Variants in NALCN observed in about 807,000 individuals in gnomAD.
The protein encoded by NALCN is sodium leak channel, non-selective.
NALCN carries 111 observed loss-of-function variants against 225.3 expected under a neutral mutation model. The ratio of observed to expected loss-of-function variants is 0.49; its 90% CI spans 0.42 to 0.58. NALCN has a LOEUF of 0.58. Ranked by LOEUF, NALCN falls within the 20% of genes least tolerant of loss-of-function variation. The pLI, the probability that NALCN is intolerant of heterozygous loss-of-function variation, is 0.00. For missense variants in NALCN, 1,378 were observed against 2,202.4 expected, an observed-to-expected ratio of 0.63 and a Z score of 7.49; for synonymous variants, 764 against 769.0, an observed-to-expected ratio of 0.99 and a Z score of 0.11.
Position 101,229,577 on chromosome 13 carries a change from C to A in NALCN, c.1442G>T (p.Arg481Leu). 6.3e-7 allele frequency: 1 copy of A among 1,582,632 alleles called. No individual in the cohort carries two copies. The highest frequency in any genetic ancestry group is 8.6e-7 in the Non-Finnish European group (1 of 1,165,848). ...TGAAATCTTAATCAGCCGAACTACT[C>A]GGAGAACCTATCAAGGGAGAGAGAA... ...HSQFTYFQVLRVVRLIKISPA... is the reference protein window; with the variant it reads ...HSQFTYFQVLLVVRLIKISPA... Residue 481 changes from arginine (R) to leucine (L), a missense_variant, in exon 13 of 44, where the codon CGA becomes CTA. Around this residue, in one of 19 missense-constraint regions of NALCN, gnomAD observed 144 missense variants for 187.7 expected, o/e 0.77. Transcript: ENST00000251127.
intron 7 of NALCN, among the ~76,000 whole-genome samples, chr13:101,338,490 A>G (rs1047984986): frequency 4.6e-5 from 7 of 152,118 alleles, no homozygotes; most frequent in African/African-American, 1.4e-4. Flanking sequence ...AACATTTTTT[A>G]TTTTTTACCT....
intron 1 of NALCN, among the ~76,000 whole-genome samples, chr13:101,400,639 GA>G (rs1416755638): frequency 6.6e-6 from 1 of 151,798 alleles, no homozygotes; most frequent in Non-Finnish European, 1.5e-5. Flanking sequence ...ATAAAACACA[GA>G]AACTCAGAAC....
intron 15 of NALCN, among the ~76,000 whole-genome samples, chr13:101,152,781 C>T (rs1417967833): frequency 1.3e-5 from 2 of 151,946 alleles, no homozygotes; most frequent in Admixed American, 6.6e-5. Context: ...TTATATCTGT[C>T]CTTTGTTACT....
chr13:101,280,711 C>A (rs1594593975), intron 10 of NALCN, among the ~76,000 whole-genome samples: 1 of 152,194 alleles, frequency 6.6e-6, no homozygotes, highest in Middle Eastern at 3.4e-3. Context: ...AGCCATAAGA[C>A]CCAGCCATTA....
chr13:101,064,320 T>C (rs1424379660), intron 40 of NALCN, among the ~76,000 whole-genome samples: 1 of 152,144 alleles, frequency 6.6e-6, no homozygotes, highest in Non-Finnish European at 1.5e-5. Context: ...TGCAAGTCCA[T>C]GGGCCTCTGT....
At chr13:101,248,099 C>T (rs1440606049) in intron 11 of NALCN, among the ~76,000 whole-genome samples, 2 of 152,214 alleles carry the variant, frequency 1.3e-5, no homozygotes, top group South Asian at 2.1e-4. Context: ...CATGTCTTTG[C>T]TATTGTGAAC....
chr13:101,122,699 T>C (rs1285779124), intron 18 of NALCN, among the ~76,000 whole-genome samples: 1 of 152,234 alleles, frequency 6.6e-6, no homozygotes, highest in Non-Finnish European at 1.5e-5. Context: ...TTTTATGACA[T>C]TGGGCACTTA....
intron 6 of NALCN, among the ~76,000 whole-genome samples, chr13:101,374,350 A>G (rs1271175537): frequency 7.1e-6 from 1 of 141,160 alleles, no homozygotes; most frequent in Non-Finnish European, 1.5e-5. Context: ...ATCTCAGCTC[A>G]CTGCAACCTC....
At chr13:101,414,658 T>G (rs928892211) in intron 1 of NALCN, among the ~76,000 whole-genome samples, 1 of 152,216 alleles carries the variant, frequency 6.6e-6, no homozygotes. Flanking sequence ...GACACTATTT[T>G]GAGTAGACTT....
chr13:101,372,462 C>T (rs532710016), intron 6 of NALCN, among the ~76,000 whole-genome samples: 59 of 152,174 alleles, frequency 3.9e-4, no homozygotes, highest in Non-Finnish European at 7.1e-4. Context: ...TAAAATGATT[C>T]CTAATGAATT....
chr13:101,341,918 C>T (rs1032155528), intron 7 of NALCN, among the ~76,000 whole-genome samples: 1 of 152,162 alleles, frequency 6.6e-6, no homozygotes, highest in Admixed American at 6.5e-5. Context: ...AAGAGAGAAC[C>T]CTTACTGCTT....
chr13:101,104,520 T>C lies in NALCN; in HGVS notation c.2757+10A>G, dbSNP rs778841076. 3.7e-6 allele frequency: 6 copies of C among 1,613,930 alleles called. No individual in the cohort carries two copies. Among genetic ancestry groups the C allele is most frequent in the Non-Finnish European group, 5.1e-6 (6 of 1,179,872 alleles). On this transcript the variant is annotated intron_variant, in intron 24 of 43. Transcript: ENST00000251127. This position sits in a 1 kb window ranked among gnomAD's most constrained non-coding sequence, Gnocchi z 4.2. Reference sequence around the variant, plus strand: ...GTTGTAAGCTGAGATTTTGCAGCGGTAAGCGGTACCTGCAAAGTAGGTGCA... The same window carrying C: ...GTTGTAAGCTGAGATTTTGCAGCGGCAAGCGGTACCTGCAAAGTAGGTGCA...
chr13:101,368,848 A>G (rs960659898), intron 6 of NALCN: 8 of 176,874 alleles, frequency 4.5e-5, no homozygotes, highest in Non-Finnish European at 7.3e-5. Context: ...TCTGCTAAAA[A>G]TACAAAAATT....
At chr13:101,191,774 G>T in intron 14 of NALCN, 143 bp downstream of exon 14, 1 of 716,888 alleles carries the variant, frequency 1.4e-6, no homozygotes, top group Non-Finnish European at 2.2e-6. Context: ...AACTTAGAAT[G>T]GAAGGAGGGA....
At chr13:101,234,156 TAAGAC>T (rs1406855064) in intron 12 of NALCN, among the ~76,000 whole-genome samples, 1 of 152,210 alleles carries the variant, frequency 6.6e-6, no homozygotes, top group African/African-American at 2.4e-5. Context: ...ACTTCTTCCT[TAAGAC>T]ATTTCCAGTA....
At chr13:101,078,777 A>G (rs2033432026) in intron 34 of NALCN, among the ~76,000 whole-genome samples, 1 of 152,140 alleles carries the variant, frequency 6.6e-6, no homozygotes, top group African/African-American at 2.4e-5. Flanking sequence ...TGTATTTTGA[A>G]TTGTGAAGAC....
At chr13:101,397,268 A>G (rs990444108) in intron 2 of NALCN, among the ~76,000 whole-genome samples, 2 of 150,442 alleles carry the variant, frequency 1.3e-5, no homozygotes, top group Non-Finnish European at 3.0e-5. Context: ...CAAAGAGTCC[A>G]TGCAGATCCT....
In NALCN at chr13:101,399,058, A is replaced by G; in HGVS notation, c.69T>C (p.Ser23=). The G allele has an allele frequency of 6.2e-7, 1 of 1,613,206 alleles. No homozygotes were observed. Among genetic ancestry groups the G allele is most frequent in the Non-Finnish European group, 8.5e-7 (1 of 1,179,240 alleles). Residue 23 remains serine (S), a synonymous_variant, in exon 2 of 44, where the codon TCT becomes TCC. Coordinates refer to ENST00000251127, the MANE Select transcript of NALCN (RefSeq NM_052867.4). Reference sequence around the variant, plus strand: ...AGAGGATGTCAGCATTATCCGACAGAGACTCATCAGGACCAAAGTCAGTGA... The same window carrying G: ...AGAGGATGTCAGCATTATCCGACAGGGACTCATCAGGACCAAAGTCAGTGA... ...QPVTDFGPDE[S]LSDNADILWI... is the part of the protein sequence containing the mutation.
intron 17 of NALCN, among the ~76,000 whole-genome samples, chr13:101,128,639 T>A (rs2036358553): frequency 6.6e-6 from 1 of 152,060 alleles, no homozygotes; most frequent in Non-Finnish European, 1.5e-5. Context: ...CTCACTGCAG[T>A]CTTGACCTCC....
Sources: gnomAD v4.1 joint callset for allele counts (sites outside exome capture counted in the v4.1 genomes callset) on GRCh38, gnomAD v4.1.1 for gene constraint, gnomAD v4.1.1 regional missense constraint, Gnocchi (gnomAD v3.1) non-coding constraint, MANE v1.5 for transcripts, NCBI Gene and HGNC (gene_info 2026-07-23, HGNC 2026-07-21) for gene names.